Variants in FRYL observed in about 807,000 individuals in gnomAD.
FRYL encodes protein furry homolog-like.
FRYL carries 150 observed loss-of-function variants against 351.2 expected under a neutral mutation model. That is an observed-to-expected ratio of 0.43 (90% CI 0.37 to 0.49). The LOEUF is 0.49. Among genes scored for constraint, FRYL ranks in the 20% least tolerant of loss-of-function variants. The pLI, the probability that FRYL is intolerant of heterozygous loss-of-function variation, is 0.00. For synonymous variants in FRYL, 1,153 were observed against 1,257.1 expected, an observed-to-expected ratio of 0.92 and a Z score of 1.75; for missense variants, 3,036 against 3,619.3, an observed-to-expected ratio of 0.84 and a Z score of 4.13.
At chr4:48,734,157 A>G (rs968904912) in intron 1 of FRYL, among the ~76,000 whole-genome samples, 1 of 152,220 alleles carries the variant, frequency 6.6e-6, no homozygotes, top group Non-Finnish European at 1.5e-5. Flanking sequence ...TATGTTGTCT[A>G]CAAGAAACTC....
chr4:48,773,128 A>C (rs1775684655), intron 1 of FRYL, among the ~76,000 whole-genome samples: 1 of 152,204 alleles, frequency 6.6e-6, no homozygotes, highest in South Asian at 2.1e-4. Context: ...TCAAAATGTA[A>C]ACTGCATCCT....
At chr4:48,624,601 C>G (rs570630560) in intron 4 of FRYL, among the ~76,000 whole-genome samples, 1 of 152,226 alleles carries the variant, frequency 6.6e-6, no homozygotes, top group Non-Finnish European at 1.5e-5. Flanking sequence ...AATGGGTTGA[C>G]AGAAAGTGGG....
chr4:48,632,055 C>CA (rs71660455), intron 4 of FRYL, among the ~76,000 whole-genome samples: 1 of 22,602 alleles, frequency 4.4e-5, no homozygotes, highest in African/African-American at 1.8e-4. Context: ...CCTGTCTCTC[C>CA]AAAAAAAAAA....
At chr4:48,555,682 T>G (rs1380026993) in intron 35 of FRYL, among the ~76,000 whole-genome samples, 1 of 152,128 alleles carries the variant, frequency 6.6e-6, no homozygotes, top group Non-Finnish European at 1.5e-5. Flanking sequence ...CCAGACAGAA[T>G]ATAGGAGACA....
chr4:48,537,915 T>C (rs1156935437), intron 47 of FRYL, among the ~76,000 whole-genome samples: 1 of 152,180 alleles, frequency 6.6e-6, no homozygotes, highest in African/African-American at 2.4e-5. Context: ...CCTTTTATTT[T>C]CTTGAAACCC....
intron 22 of FRYL, 67 bp downstream of exon 22, chr4:48,580,798 A>G: frequency 1.1e-6 from 1 of 948,614 alleles, no homozygotes. Flanking sequence ...GCACATGTAC[A>G]TGTATACATA....
chr4:48,601,701 T>C (rs139953404), intron 13 of FRYL, among the ~76,000 whole-genome samples: 1 of 152,238 alleles, frequency 6.6e-6, no homozygotes, highest in Non-Finnish European at 1.5e-5. Flanking sequence ...ATCTAGAAGG[T>C]TTTGTGAGAT....
intron 50 of FRYL, among the ~76,000 whole-genome samples, chr4:48,529,912 G>C (rs1047837588): frequency 2.0e-5 from 3 of 152,082 alleles, no homozygotes; most frequent in African/African-American, 7.2e-5. Flanking sequence ...TGGACTGATG[G>C]CCCCTGCTTC....
At chr4:48,668,409 A>G (rs1762117770) in intron 3 of FRYL, among the ~76,000 whole-genome samples, 1 of 151,936 alleles carries the variant, frequency 6.6e-6, no homozygotes, top group African/African-American at 2.4e-5. Context: ...AAAAAGAAAG[A>G]AAGAAACTAA....
At chr4:48,662,027 C>T (rs1292001768) in intron 3 of FRYL, among the ~76,000 whole-genome samples, 1 of 152,132 alleles carries the variant, frequency 6.6e-6, no homozygotes, top group African/African-American at 2.4e-5. Context: ...AAGTGAAGCA[C>T]TGACAACTAA....
intron 47 of FRYL, among the ~76,000 whole-genome samples, chr4:48,537,475 A>G (rs895545683): frequency 1.3e-5 from 2 of 152,216 alleles, no homozygotes; most frequent in African/African-American, 4.8e-5. Context: ...TGTGCTCTCC[A>G]AAGGCACAAA....
chr4:48,752,668 G>C (rs1340510128), intron 1 of FRYL, among the ~76,000 whole-genome samples: 1 of 152,116 alleles, frequency 6.6e-6, no homozygotes, highest in African/African-American at 2.4e-5. Context: ...CAGTTATATA[G>C]GCAAAGATAA....
At position 48,593,165 on chromosome 4, in the gene FRYL, TAGAACA is replaced by T. The variant is rs1743826127; in HGVS notation, c.1335+759_1335+764del. Among the ~76,000 whole-genome samples the T allele has an allele frequency of 2.7e-5, 4 of 150,290 alleles. No individual in the cohort carries two copies. In the South Asian group the frequency reaches 6.3e-4, roughly 24 times the overall value. ...AAATTTTTGTTTTTTCTATAACACCTAGAACAGTGCCTGGCACATTTCAGGTGCTCA... is the reference window on the plus strand; with the variant it reads ...AAATTTTTGTTTTTTCTATAACACCTGTGCCTGGCACATTTCAGGTGCTCA... On this transcript the variant is annotated intron_variant, in intron 16 of 63. Coordinates refer to ENST00000358350, the MANE Select transcript of FRYL (RefSeq NM_015030.2).
At chr4:48,687,476 T>G (rs983273265) in intron 2 of FRYL, among the ~76,000 whole-genome samples, 139 of 68,570 alleles carry the variant, frequency 2.0e-3, no homozygotes, top group African/African-American at 8.8e-3. Flanking sequence ...TGGGAGGGCC[T>G]CAGGGCAAAT....
chr4:48,633,044 T>A (rs1414363450), intron 4 of FRYL, among the ~76,000 whole-genome samples: 1 of 152,130 alleles, frequency 6.6e-6, no homozygotes, highest in East Asian at 1.9e-4. Flanking sequence ...CTAATTCAGT[T>A]GTGTAAGGAG....
chr4:48,541,567 G>A (rs1025631578), intron 45 of FRYL, among the ~76,000 whole-genome samples: 2 of 152,182 alleles, frequency 1.3e-5, no homozygotes, highest in Non-Finnish European at 2.9e-5. Flanking sequence ...CCAAAGGATG[G>A]AATAATTAGC....
intron 2 of FRYL, among the ~76,000 whole-genome samples, chr4:48,701,985 G>C (rs1485224718): frequency 1.3e-5 from 2 of 151,872 alleles, no homozygotes; most frequent in Admixed American, 6.6e-5. Flanking sequence ...CAAACAGCAA[G>C]TAACATTCTT....
At chr4:48,575,065 A>C (rs1282279338) in intron 25 of FRYL, 52 bp downstream of exon 25, 1 of 1,591,672 alleles carries the variant, frequency 6.3e-7, no homozygotes, top group East Asian at 2.2e-5. Context: ...ACACCTTCTA[A>C]GTAGCACATT....
At chr4:48,562,476 C>T (rs1735741513) in intron 32 of FRYL, among the ~76,000 whole-genome samples, 1 of 152,136 alleles carries the variant, frequency 6.6e-6, no homozygotes, top group South Asian at 2.1e-4. Context: ...AGTTAACTTT[C>T]TAAGTTATTT....
Sources: allele counts gnomAD v4.1 joint callset (sites outside exome capture counted in the v4.1 genomes callset), GRCh38; gene constraint gnomAD v4.1.1; transcripts MANE v1.5; gene names NCBI Gene and HGNC (gene_info 2026-07-23, HGNC 2026-07-21).